SEMA5A: variants seen among roughly 807,000 people sequenced by gnomAD.
The protein encoded by SEMA5A is semaphorin 5A, also known as semaphorin-5A.
SEMA5A carries 55 observed loss-of-function variants against 135.5 expected under a neutral mutation model. The observed-to-expected ratio is 0.41, with a 90% CI of 0.33 to 0.51. The LOEUF is 0.51. Ranked by LOEUF, SEMA5A falls within the 20% of genes least tolerant of loss-of-function variation. The probability of loss-of-function intolerance (pLI) is 0.37; values close to 1 mark genes in which losing one functional copy is unlikely to be tolerated. For synonymous variants in SEMA5A, 580 were observed against 546.5 expected, an observed-to-expected ratio of 1.06 and a Z score of -0.85; for missense variants, 1,290 against 1,419.9, an observed-to-expected ratio of 0.91 and a Z score of 1.47.
intron 2 of SEMA5A, among the ~76,000 whole-genome samples, chr5:9,383,046 C>T (rs1755683712): frequency 6.6e-6 from 1 of 152,240 alleles, no homozygotes; most frequent in African/African-American, 2.4e-5. Context: ...AGAGGCTCAT[C>T]TGTCCGCCAG....
At chr5:9,320,123 A>AC (rs1752562870) in intron 4 of SEMA5A, among the ~76,000 whole-genome samples, 1 of 152,032 alleles carries the variant, frequency 6.6e-6, no homozygotes, top group Non-Finnish European at 1.5e-5. Flanking sequence ...TGGGGGTACC[A>AC]CCTCTCTAAA....
intron 5 of SEMA5A, among the ~76,000 whole-genome samples, chr5:9,288,105 G>A (rs1276970492): frequency 6.6e-6 from 1 of 152,166 alleles, no homozygotes; most frequent in Non-Finnish European, 1.5e-5. Flanking sequence ...ACAAAACTGG[G>A]AAAATATTAA....
At chr5:9,408,794 TACTCTACACTGAAA>T (rs752876209) in intron 2 of SEMA5A, among the ~76,000 whole-genome samples, 2 of 152,186 alleles carry the variant, frequency 1.3e-5, no homozygotes, top group Admixed American at 6.5e-5. Flanking sequence ...AATGTGTAGC[TACTCTACACTGAAA>T]ACAATTTCAA....
chr5:9,155,464 C>G (rs538930897), intron 11 of SEMA5A, among the ~76,000 whole-genome samples: 1 of 152,054 alleles, frequency 6.6e-6, no homozygotes, highest in African/African-American at 2.4e-5. Flanking sequence ...ACAGTTGAAA[C>G]GAACATTGCT....
intron 8 of SEMA5A, among the ~76,000 whole-genome samples, chr5:9,221,334 G>A (rs530805245): frequency 3.8e-4 from 47 of 125,300 alleles, no homozygotes; most frequent in African/African-American, 9.7e-4. Context: ...ACGGAGTCTC[G>A]CTGTGTCACC....
intron 2 of SEMA5A, among the ~76,000 whole-genome samples, chr5:9,432,717 A>G (rs1338408455): frequency 6.6e-6 from 1 of 152,188 alleles, no homozygotes; most frequent in Non-Finnish European, 1.5e-5. Flanking sequence ...ACTATTTTAC[A>G]TCAGTGCTCG....
chr5:9,120,487 C>A (rs55871503), intron 14 of SEMA5A, among the ~76,000 whole-genome samples: 20,679 of 151,866 alleles, frequency 0.14, 2,161 homozygotes, highest in East Asian at 0.32. Flanking sequence ...TTATAATAAA[C>A]CTGCTCTATA....
chr5:9,178,613 G>C (rs1744337993), intron 11 of SEMA5A, among the ~76,000 whole-genome samples: 1 of 152,116 alleles, frequency 6.6e-6, no homozygotes, highest in Non-Finnish European at 1.5e-5. Flanking sequence ...ACAGGCATGA[G>C]CCACCGCGCC....
chr5:9,245,893 C>T (rs1292813272), intron 5 of SEMA5A, among the ~76,000 whole-genome samples: 1 of 152,008 alleles, frequency 6.6e-6, no homozygotes, highest in Admixed American at 6.6e-5. Context: ...TGGGGTCAGA[C>T]AGAGAAAAAC....
At chr5:9,516,185 CA>C (rs939844084) in intron 1 of SEMA5A, among the ~76,000 whole-genome samples, 27 of 152,138 alleles carry the variant, frequency 1.8e-4, no homozygotes, top group African/African-American at 6.5e-4. Context: ...CACACATACA[CA>C]GACACACTCA....
chr5:9,353,092 A>G (rs201397353), intron 3 of SEMA5A, among the ~76,000 whole-genome samples: 2 of 15,128 alleles, frequency 1.3e-4, no homozygotes, highest in Non-Finnish European at 1.7e-4. Flanking sequence ...AGGAAAGGAA[A>G]GGAAGGAAGG....
chr5:9,205,287 T>C (rs997409140), intron 8 of SEMA5A, among the ~76,000 whole-genome samples: 4 of 152,070 alleles, frequency 2.6e-5, no homozygotes, highest in African/African-American at 2.4e-5. Context: ...GAGATGAAAC[T>C]TTAAACCACA....
At chr5:9,514,764 A>T (rs563648615) in intron 1 of SEMA5A, among the ~76,000 whole-genome samples, 2 of 152,326 alleles carry the variant, frequency 1.3e-5, no homozygotes, top group Non-Finnish European at 1.5e-5. Flanking sequence ...GAACCCATGG[A>T]TATGGAGAGT....
chr5:9,059,845 C>T (rs920240295), intron 18 of SEMA5A, among the ~76,000 whole-genome samples: 6 of 152,260 alleles, frequency 3.9e-5, no homozygotes, highest in African/African-American at 7.2e-5. Context: ...CCTCCATGCC[C>T]GGCTGATTTA....
intron 2 of SEMA5A, among the ~76,000 whole-genome samples, chr5:9,399,930 T>G (rs1438950513): frequency 6.6e-6 from 1 of 152,014 alleles, no homozygotes; most frequent in Non-Finnish European, 1.5e-5. Flanking sequence ...GATACTGGTA[T>G]ACATACAAAG....
chr5:9,162,456 A>ATGTGTGTGTGTATATATATG (rs200628086), intron 11 of SEMA5A, among the ~76,000 whole-genome samples: 67 of 121,156 alleles, frequency 5.5e-4, no homozygotes, highest in Non-Finnish European at 7.8e-4. Context: ...GTGTATATAT[A>ATGTGTGTGTGTATATATATG]TGTGTGTGTA....
intron 3 of SEMA5A, among the ~76,000 whole-genome samples, chr5:9,362,360 C>T (rs372946721): frequency 6.6e-6 from 1 of 152,028 alleles, no homozygotes; most frequent in Non-Finnish European, 1.5e-5. Flanking sequence ...TTTTTAAATG[C>T]CATTATATGA....
At chr5:9,178,278 C>G (rs1744309305) in intron 11 of SEMA5A, among the ~76,000 whole-genome samples, 1 of 150,842 alleles carries the variant, frequency 6.6e-6, no homozygotes, top group Non-Finnish European at 1.5e-5. Context: ...CAAAAGTGAG[C>G]TCCTGAGTGA....
chr5:9,045,386 T>G (rs888841683), intron 21 of SEMA5A, among the ~76,000 whole-genome samples: 5 of 152,176 alleles, frequency 3.3e-5, no homozygotes, highest in Non-Finnish European at 5.9e-5. Context: ...TCTCTCTCCA[T>G]TTCATCCTAT....
Sources: allele counts gnomAD v4.1 joint callset (sites outside exome capture counted in the v4.1 genomes callset), GRCh38; gene constraint gnomAD v4.1.1; transcripts MANE v1.5; gene names NCBI Gene and HGNC (gene_info 2026-07-23, HGNC 2026-07-21).